Variants in CFAP74 observed in about 807,000 individuals in gnomAD.
CFAP74 encodes the protein cilia and flagella associated protein 74.
Under a neutral mutation model 188.9 loss-of-function variants are expected in CFAP74, and 124 were observed. That is an observed-to-expected ratio of 0.66 (90% confidence interval 0.57 to 0.76). The LOEUF (loss-of-function observed/expected upper bound fraction) is 0.76, where lower values mean the gene tolerates loss of function less well. Ranked by LOEUF, CFAP74 falls within the 30% of genes least tolerant of loss-of-function variation. CFAP74 has a pLI of 0.00. For missense variants in CFAP74, 2,198 were observed against 2,165.2 expected, an observed-to-expected ratio of 1.02 and a Z score of -0.30; for synonymous variants, 956 against 916.7, an observed-to-expected ratio of 1.04 and a Z score of -0.77.
At chr1:1,943,086 C>A (rs543833758) in intron 21 of CFAP74, among the ~76,000 whole-genome samples, 1 of 152,184 alleles carries the variant, frequency 6.6e-6, no homozygotes, top group Non-Finnish European at 1.5e-5. Flanking sequence ...GTCAGGCAGA[C>A]GCTGCTCTGC....
At chr1:1,994,912 G>A (rs1038314238) in intron 1 of CFAP74, among the ~76,000 whole-genome samples, 1 of 152,200 alleles carries the variant, frequency 6.6e-6, no homozygotes, top group African/African-American at 2.4e-5. Context: ...AGAGAAGCGG[G>A]AGGTGGAGGG....
intron 11 of CFAP74, among the ~76,000 whole-genome samples, chr1:1,966,794 A>G (rs1208706721): frequency 6.6e-6 from 1 of 151,804 alleles, no homozygotes; most frequent in Non-Finnish European, 1.5e-5. Context: ...TAATTCACGG[A>G]CTGGCATCCT....
At chr1:1,976,823 G>A (rs1445226663) in intron 6 of CFAP74, among the ~76,000 whole-genome samples, 1 of 151,658 alleles carries the variant, frequency 6.6e-6, no homozygotes, top group African/African-American at 2.4e-5. Context: ...GATTACAGGT[G>A]TGAGTCACTG....
At chr1:1,993,864 C>A (rs1273939714) in intron 1 of CFAP74, among the ~76,000 whole-genome samples, 3 of 151,122 alleles carry the variant, frequency 2.0e-5, no homozygotes, top group Non-Finnish European at 4.4e-5. Context: ...CGCCTATAGT[C>A]CCAGCTACTC....
chr1:1,944,449 G>A lies in CFAP74; in HGVS notation c.2368C>T (p.His790Tyr). ...ATGGCCACGCCCACGACCCTGAAAT[G>A]CAGCTGCATATGGACACAGGAGCTC... Reference protein sequence around the residue: ...TFKNPQCPTLHFRVVGVAIDV... With the variant: ...TFKNPQCPTLYFRVVGVAIDV... The change falls in exon 21 of 39, where the codon CAT becomes TAT. Residue 790 changes from histidine (H) to tyrosine (Y), a missense_variant. His to Tyr is a moderately conservative substitution (Grantham distance 83, BLOSUM62 2). Coordinates refer to ENST00000682832, the MANE Select transcript of CFAP74 (RefSeq NM_001304360.2). 4 of 1,536,066 alleles carry A rather than the reference G, an allele frequency of 2.6e-6. No individual in the cohort carries two copies. Among genetic ancestry groups the A allele is most frequent in the Non-Finnish European group, 3.5e-6 (4 of 1,146,870 alleles).
rs774618182 is a variant in CFAP74 at position 1,959,155 on chromosome 1, A to G, written c.1816T>C (p.Ser606Pro). 2.5e-6 allele frequency: 4 copies of G among 1,613,456 alleles called. No individual in the cohort carries two copies. The South Asian group carries it at 4.4e-5, about 18-fold the overall frequency. ...ISFLAQTGEF[S>P]VPLKCSTKKC... is the part of the protein sequence containing the mutation. ...TTTGTTGAACATTTCAGTGGAACTGAAAACTCGCCCGTCTGAGCCAAAAAT... is the reference window on the plus strand; with the variant it reads ...TTTGTTGAACATTTCAGTGGAACTGGAAACTCGCCCGTCTGAGCCAAAAAT... Residue 606 changes from serine to proline, a missense_variant, in exon 16 of 39, where the codon TCA becomes CCA. Coordinates refer to ENST00000682832, the MANE Select transcript of CFAP74 (RefSeq NM_001304360.2).
At chr1:1,955,907 C>A in intron 17 of CFAP74, 57 bp from the exon 18 acceptor site, 1 of 1,552,996 alleles carries the variant, frequency 6.4e-7, no homozygotes, top group Non-Finnish European at 8.7e-7. Flanking sequence ...TTTTCCCAGT[C>A]AGCTGCCGGA....
At chr1:1,937,158 G>A (rs1012404825) in intron 25 of CFAP74, among the ~76,000 whole-genome samples, 4 of 151,856 alleles carry the variant, frequency 2.6e-5, no homozygotes, top group Non-Finnish European at 4.4e-5. Flanking sequence ...CAACATGGCC[G>A]TGATTACGGA....
At chr1:1,965,723 G>A (rs929346484) in intron 12 of CFAP74, among the ~76,000 whole-genome samples, 16 of 152,216 alleles carry the variant, frequency 1.1e-4, no homozygotes, top group African/African-American at 3.6e-4. Flanking sequence ...TCCCCAGTGG[G>A]CAGGTGGTGG....
intron 9 of CFAP74, among the ~76,000 whole-genome samples, chr1:1,971,161 A>ATGCTCG (rs1655995084): frequency 1.3e-5 from 2 of 150,732 alleles, no homozygotes; most frequent in Admixed American, 6.6e-5. Context: ...ACACCTGGAC[A>ATGCTCG]CACATGCACA....
At chr1:1,956,508 T>C in intron 17 of CFAP74, 112 bp downstream of exon 17, 2 of 1,349,826 alleles carry the variant, frequency 1.5e-6, no homozygotes, top group South Asian at 2.6e-5. Context: ...ACTGCCCTCC[T>C]TCTCCCAGGC....
rs559102546 is a variant in CFAP74 at position 1,982,950 on chromosome 1, GGAA to G, written c.500+2433_500+2435del. Among the ~76,000 whole-genome samples, 429 of 152,352 alleles carry G rather than the reference GGAA, an allele frequency of 2.8e-3. 3 individuals are homozygous for G. The highest frequency in any genetic ancestry group is 9.6e-3 in the African/African-American group (401 of 41,584). On this transcript the variant is annotated intron_variant, in intron 6 of 38. Transcript: ENST00000682832. ...AGGGTCTGGGTCCAGGCAAGGGCAG[GGAA>G]GAAGAAGGGAACCTGAGCCTCTCAC...
At position 1,951,258 on chromosome 1, in the gene CFAP74, G is replaced by A. The variant is rs1036008705; in HGVS notation, c.2177-4204C>T. ...GAATTCACTCACTATTATGAGAACAGCATGGGGAAAACCTCTCCCATAATT... is the reference window on the plus strand; with the variant it reads ...GAATTCACTCACTATTATGAGAACAACATGGGGAAAACCTCTCCCATAATT... On this transcript the variant is annotated intron_variant, in intron 18 of 38. Coordinates refer to ENST00000682832, the MANE Select transcript of CFAP74 (RefSeq NM_001304360.2). Among the ~76,000 whole-genome samples, 4 of 152,284 alleles carry A rather than the reference G, an allele frequency of 2.6e-5. No homozygotes were observed. The East Asian group carries it at 5.8e-4, about 22-fold the overall frequency.
chr1:1,927,663 C>T lies in CFAP74; in HGVS notation c.3471G>A (p.Leu1157=). The change falls in exon 28 of 39, where the codon CTG becomes CTA. Residue 1157 remains leucine, a synonymous_variant. Coordinates refer to ENST00000682832, the MANE Select transcript of CFAP74 (RefSeq NM_001304360.2). ...SVLRAQNRDK[L]FKVSVPHVLE... is the part of the protein sequence containing the mutation. ...GGACGTGGGGGACAGAGACTTTGAACAGCTTGTCGCGGTTCTGTGCTCGAA... is the reference window on the plus strand; with the variant it reads ...GGACGTGGGGGACAGAGACTTTGAATAGCTTGTCGCGGTTCTGTGCTCGAA... 1.3e-6 allele frequency: 2 copies of T among 1,550,214 alleles called. No individual in the cohort carries two copies. The highest frequency in any genetic ancestry group is 1.4e-5 in the African/African-American group (1 of 73,184).
rs1329863374 is a variant in CFAP74, at chr1:1,926,240, G to A, written c.3936C>T (p.His1312=). The A allele has an allele frequency of 1.5e-5, 23 of 1,516,618 alleles. No homozygotes were observed. In the East Asian group the frequency reaches 2.2e-4, roughly 15 times the overall value. 93.9% of individuals were successfully genotyped at this position (1,516,618 alleles called of 1,614,324 possible). ...TQVLVLSFSP[H]ESILAQETLD... is the part of the protein sequence containing the mutation. ...GCCTGGGACTCACCAGGATGCTCTC[G>A]TGGGGAGAGAAGGAAAGCACCAGGA... Residue 1312 remains histidine, a synonymous_variant, in exon 32 of 39, where the codon CAC becomes CAT. Coordinates refer to ENST00000682832, the MANE Select transcript of CFAP74 (RefSeq NM_001304360.2).
chr1:1,961,088 A>G (rs1655058935), intron 14 of CFAP74, among the ~76,000 whole-genome samples: 1 of 152,218 alleles, frequency 6.6e-6, no homozygotes. Context: ...GTTGATTAGC[A>G]GCACTAAGGG....
In CFAP74 at chr1:1,942,094, A is replaced by C. The variant is rs2102047239; in HGVS notation, c.2549T>G (p.Leu850Arg). 1 of 1,532,342 alleles carries C rather than the reference A, an allele frequency of 6.5e-7. No individual in the cohort carries two copies. Among genetic ancestry groups the C allele is most frequent in the Non-Finnish European group, 8.7e-7 (1 of 1,145,456 alleles). The allele number at this position is 1,532,342 out of a possible 1,614,324, so 94.9% of individuals were successfully genotyped here. Reference sequence around the variant, plus strand: ...CTGGATATAGCCTGTCTTGGGCAGGAGCTCCAGGTGGGCCCTCAGCTCCTT... The same window carrying C: ...CTGGATATAGCCTGTCTTGGGCAGGCGCTCCAGGTGGGCCCTCAGCTCCTT... ...VCKELRAHLE[L>R]LPKTGYIQAQ... Residue 850 changes from leucine (L) to arginine (R), a missense_variant, in exon 22 of 39, where the codon CTC (leucine) becomes CGC (arginine). Transcript: ENST00000682832. This position sits in a 1 kb window ranked among gnomAD's most constrained non-coding sequence, Gnocchi z 4.3.
rs913673124 is a variant in CFAP74 at position 1,975,201 on chromosome 1, C to T, written c.501-1003G>A. 4.6e-5 allele frequency among the ~76,000 whole-genome samples: 7 copies of T among 152,226 alleles called. No individual in the cohort carries two copies. The highest frequency in any genetic ancestry group is 1.7e-4 in the African/African-American group (7 of 41,448). Reference sequence around the variant, plus strand: ...TGGAGCCGAGTCCAGTCTCTCTCCCCACTGCAACACCCGGGGCAGGGGTCC... The same window carrying T: ...TGGAGCCGAGTCCAGTCTCTCTCCCTACTGCAACACCCGGGGCAGGGGTCC... On this transcript the variant is annotated intron_variant, in intron 6 of 38. Transcript: ENST00000682832. The surrounding 1 kb of genome is among the most constrained non-coding windows in gnomAD (Gnocchi z 4.5).
At chr1:1,927,237 C>A in intron 28 of CFAP74, 1 of 630,834 alleles carries the variant, frequency 1.6e-6, no homozygotes, top group East Asian at 2.8e-5. Context: ...CAGCTGGTGG[C>A]TGGAGGCTAG....
Sources: allele counts gnomAD v4.1 joint callset (sites outside exome capture counted in the v4.1 genomes callset), GRCh38; gene constraint gnomAD v4.1.1; non-coding constraint Gnocchi (gnomAD v3.1); transcripts MANE v1.5; gene names NCBI Gene and HGNC (gene_info 2026-07-23, HGNC 2026-07-21).